ABCC5: variants seen among roughly 807,000 people sequenced by gnomAD.
ABCC5 encodes the protein ATP-binding cassette sub-family C member 5.
In ABCC5, 61 loss-of-function variants were observed where a neutral mutation model predicts 160.9. That is an observed-to-expected ratio of 0.38 (90% CI 0.31 to 0.47). The LOEUF is 0.47. Ranked by LOEUF, ABCC5 falls within the 20% of genes least tolerant of loss-of-function variation. The probability of loss-of-function intolerance (pLI) is 0.99; values close to 1 mark genes in which losing one functional copy is unlikely to be tolerated. For synonymous variants in ABCC5, 666 were observed against 700.6 expected (o/e 0.95, Z 0.78); for missense variants, 1,308 against 1,813.3 (o/e 0.72, Z 5.06).
chr3:183,949,873 A>C lies in ABCC5; in HGVS notation c.3107T>G (p.Ile1036Ser). 6.2e-7 allele frequency: 1 copy of C among 1,614,196 alleles called. No homozygotes were observed. The highest frequency in any genetic ancestry group is 8.5e-7 in the Non-Finnish European group (1 of 1,180,036). ...ATTGTCCAGACGCTTCAGCTCCCGA[A>C]TCAGGACCCTGGAGAGAGAATGAGC... Reference protein sequence around the residue: ...SVLHIVSRVLIRELKRLDNIT... With the variant: ...SVLHIVSRVLSRELKRLDNIT... The change falls in exon 22 of 30, where the codon ATT (isoleucine) becomes AGT (serine). Residue 1036 changes from isoleucine to serine, a missense_variant. Coordinates refer to ENST00000334444, the MANE Select transcript of ABCC5 (RefSeq NM_005688.4). This position sits in a 1 kb window ranked among gnomAD's most constrained non-coding sequence, Gnocchi z 4.2.
intron 17 of ABCC5, 61 bp downstream of exon 17, chr3:183,959,672 A>T: frequency 8.1e-7 from 1 of 1,241,278 alleles, no homozygotes; most frequent in Non-Finnish European, 1.2e-6. Flanking sequence ...ATTACTTACT[A>T]CACAAGTTAT....
chr3:183,965,623 C>T, intron 12 of ABCC5, 122 bp from the exon 13 acceptor site: 6 of 1,310,590 alleles, frequency 4.6e-6, no homozygotes, highest in Non-Finnish European at 5.2e-6. Flanking sequence ...TTTTTGGACC[C>T]AAATCCAGAT....
chr3:184,013,313 T>A (rs1041322819), intron 2 of ABCC5, among the ~76,000 whole-genome samples: 1 of 152,184 alleles, frequency 6.6e-6, no homozygotes, highest in African/African-American at 2.4e-5. Context: ...TGGAGTGCAG[T>A]GGCGTGATCT....
chr3:183,951,565 C>T lies in ABCC5; in HGVS notation c.2820G>A (p.Thr940=), dbSNP rs139563504. 1.7e-5 allele frequency: 27 copies of T among 1,614,024 alleles called. 1 individual carries two copies. The highest frequency in any genetic ancestry group is 2.2e-5 in the South Asian group (2 of 91,074). ...CATGCAGCCGGGAGGAAGCTCGCAG[C>T]GTGCCCTGAGGAGCAGAGCACAGAG... ...AIRGVVFVKG[T]LRASSRLHDE... The change falls in exon 20 of 30, where the codon ACG becomes ACA. Residue 940 remains threonine, a synonymous_variant. Transcript: ENST00000334444. This position sits in a 1 kb window ranked among gnomAD's most constrained non-coding sequence, Gnocchi z 4.7.
At chr3:184,012,917 G>T (rs1437873658) in intron 2 of ABCC5, among the ~76,000 whole-genome samples, 1 of 152,202 alleles carries the variant, frequency 6.6e-6, no homozygotes, top group Admixed American at 6.5e-5. Context: ...GGGAAAGGTA[G>T]TATCAGGCTA....
chr3:183,925,481 C>A, intron 29 of ABCC5, 74 bp downstream of exon 29: 1 of 1,515,638 alleles, frequency 6.6e-7, no homozygotes. Context: ...ACAAAGATGG[C>A]AATCAGTCCA....
chr3:184,004,161 T>C (rs1420856192), intron 2 of ABCC5, among the ~76,000 whole-genome samples: 1 of 151,808 alleles, frequency 6.6e-6, no homozygotes, highest in African/African-American at 2.4e-5. Flanking sequence ...GTTGTGAATA[T>C]TGGTCTTTTG....
At chr3:183,991,306 GA>G (rs11404217) in intron 2 of ABCC5, among the ~76,000 whole-genome samples, 3 of 146,582 alleles carry the variant, frequency 2.0e-5, no homozygotes, top group South Asian at 2.2e-4. Context: ...CTAAAAGAAG[GA>G]AAAAAAAAAC....
chr3:183,961,746 G>C, intron 15 of ABCC5, 92 bp from the exon 16 acceptor site: 2 of 1,445,936 alleles, frequency 1.4e-6, no homozygotes, highest in Non-Finnish European at 9.4e-7. Flanking sequence ...TACAGGAGAC[G>C]AGTTAAGCTC....
At chr3:183,936,709 C>T (rs1299272242) in intron 26 of ABCC5, among the ~76,000 whole-genome samples, 4 of 152,082 alleles carry the variant, frequency 2.6e-5, no homozygotes, top group South Asian at 2.1e-4. Flanking sequence ...GGGGTTTCAC[C>T]GTGTTAGCCA....
Position 183,957,271 on chromosome 3 carries a change from C to T in ABCC5, c.2482+2462G>A, listed in dbSNP as rs1409570900. Among the ~76,000 whole-genome samples, 4 of 108,432 alleles carry T rather than the reference C, an allele frequency of 3.7e-5. 1 individual carries two copies. The highest frequency in any genetic ancestry group is 3.6e-4 in the East Asian group (1 of 2,742). 71.1% of individuals were successfully genotyped at this position (108,432 alleles called of 152,430 possible). On this transcript the variant is annotated intron_variant, in intron 17 of 29. Coordinates refer to ENST00000334444, the MANE Select transcript of ABCC5 (RefSeq NM_005688.4). ...ATATCACATCTGTTACATGCGGATCCGTGTGTATATGACATCAGTTACATG... is the reference window on the plus strand; with the variant it reads ...ATATCACATCTGTTACATGCGGATCTGTGTGTATATGACATCAGTTACATG...
Position 183,987,794 on chromosome 3 carries a change from C to A in ABCC5, c.567G>T (p.Thr189=), listed in dbSNP as rs374982100. ...CTGGTCCACTGAAGCCAGCCAGCTG[C>A]GTGATCATCAGGCACACGATGGACA... ...LILSIVCLMI[T]QLAGFSGPAF... is the part of the protein sequence containing the mutation. The change falls in exon 5 of 30, where the codon ACG becomes ACT. Residue 189 remains threonine (T), a synonymous_variant. Transcript: ENST00000334444. This position sits in a 1 kb window ranked among gnomAD's most constrained non-coding sequence, Gnocchi z 4.2. 4.3e-6 allele frequency: 7 copies of A among 1,614,064 alleles called. No homozygotes were observed. The African/African-American group carries it at 6.7e-5, about 15-fold the overall frequency.
chr3:183,975,746 G>A (rs559340872), intron 10 of ABCC5, among the ~76,000 whole-genome samples: 1 of 151,974 alleles, frequency 6.6e-6, no homozygotes, highest in Non-Finnish European at 1.5e-5. Flanking sequence ...GGGGTCTAAA[G>A]TCTCATGGGG....
In ABCC5 at chr3:183,921,256, A is replaced by C; in HGVS notation, c.*44T>G. On this transcript the variant is annotated 3_prime_UTR_variant, in exon 30 of 30. Coordinates refer to ENST00000334444, the MANE Select transcript of ABCC5 (RefSeq NM_005688.4). This position sits in a 1 kb window ranked among gnomAD's most constrained non-coding sequence, Gnocchi z 4.1. ...ATGAGGGGCCCGCCCCAGGCAGGGA[A>C]TGGCAATGCTCTAAAGAAAAGAGAC... is the stretch of plus-strand genomic sequence containing the variant. The C allele has an allele frequency of 1.7e-6, 2 of 1,162,554 alleles. No homozygotes were observed. The highest frequency in any genetic ancestry group is 2.5e-6 in the Non-Finnish European group (2 of 789,856). The allele number at this position is 1,162,554 out of a possible 1,614,324, so 72.0% of individuals were successfully genotyped here.
intron 24 of ABCC5, among the ~76,000 whole-genome samples, chr3:183,943,574 T>C (rs1714563918): frequency 6.6e-6 from 1 of 152,202 alleles, no homozygotes; most frequent in South Asian, 2.1e-4. Context: ...TCAACAATCA[T>C]ATCTCATGAT....
rs1245643307 is a variant in ABCC5, at chr3:183,988,023, C to CA, written c.444-107dup. ...TCTCCAGGTTTTGCCACCACTCACA[C>CA]AAGTCTCTCCTTTAAAATTATGTAC... On this transcript the variant is annotated intron_variant, in intron 4 of 29. Transcript: ENST00000334444. This position sits in a 1 kb window ranked among gnomAD's most constrained non-coding sequence, Gnocchi z 4.4. 1 of 1,228,322 alleles carries CA rather than the reference C, an allele frequency of 8.1e-7. No individual in the cohort carries two copies. Among genetic ancestry groups the CA allele is most frequent in the Non-Finnish European group, 1.2e-6 (1 of 867,372 alleles). 76.1% of individuals were successfully genotyped at this position (1,228,322 alleles called of 1,614,324 possible).
chr3:183,932,527 C>T (rs747785402), intron 26 of ABCC5, among the ~76,000 whole-genome samples: 17 of 152,170 alleles, frequency 1.1e-4, no homozygotes, highest in South Asian at 2.1e-4. Flanking sequence ...TCGTGACACA[C>T]GCTTCAGGAG....
chr3:183,971,619 G>A lies in ABCC5; in HGVS notation c.1705C>T (p.Leu569=), dbSNP rs758491194. ...PEEEEGKHIH[L]GHLRLQRTLH... ...GTCCTCTGTAAGCGCAGGTGGCCCAGGTGGATGTGCTTGCCTTCTTCCTCT... is the reference window on the plus strand; with the variant it reads ...GTCCTCTGTAAGCGCAGGTGGCCCAAGTGGATGTGCTTGCCTTCTTCCTCT... Residue 569 remains leucine (L), a synonymous_variant, in exon 11 of 30, where the codon CTG becomes TTG. Coordinates refer to ENST00000334444, the MANE Select transcript of ABCC5 (RefSeq NM_005688.4). 1 of 1,614,026 alleles carries A rather than the reference G, an allele frequency of 6.2e-7. No individual in the cohort carries two copies. The highest frequency in any genetic ancestry group is 8.5e-7 in the Non-Finnish European group (1 of 1,180,032).
At chr3:183,969,647 G>A (rs1717554624) in intron 11 of ABCC5, among the ~76,000 whole-genome samples, 1 of 149,744 alleles carries the variant, frequency 6.7e-6, no homozygotes, top group African/African-American at 2.5e-5. Context: ...AGCCGAGATC[G>A]TGCTACTGCA....
Sources: allele counts gnomAD v4.1 joint callset (sites outside exome capture counted in the v4.1 genomes callset), GRCh38; gene constraint gnomAD v4.1.1; non-coding constraint Gnocchi (gnomAD v3.1); transcripts MANE v1.5; gene names NCBI Gene and HGNC (gene_info 2026-07-23, HGNC 2026-07-21).